The following LRRC51 variants were observed in gnomAD, a reference collection of about 807,000 sequenced individuals.
LRRC51 encodes leucine rich repeat containing 51, also known as leucine-rich repeat-containing protein 51.
A neutral mutation model predicts 17.8 loss-of-function variants in LRRC51; 8 were observed. The ratio of observed to expected loss-of-function variants is 0.45; its 90% confidence interval spans 0.26 to 0.81. LRRC51 has a LOEUF of 0.81. Ranked by LOEUF, LRRC51 falls within the 30% of genes least tolerant of loss-of-function variation. The probability of loss-of-function intolerance (pLI) is 0.17; values close to 1 mark genes in which losing one functional copy is unlikely to be tolerated. For missense variants in LRRC51, 233 were observed against 239.3 expected (o/e 0.97, Z 0.17); for synonymous variants, 92 against 96.0 (o/e 0.96, Z 0.24).
chr11:72,084,820 G>C (rs549051607), intron 1 of LRRC51, among the ~76,000 whole-genome samples: 1 of 130,660 alleles, frequency 7.7e-6, no homozygotes, highest in African/African-American at 2.9e-5. Context: ...CTGCACAACA[G>C]AGCGAGACCT....
At chr11:72,090,689 A>G (rs147529430) in intron 3 of LRRC51, among the ~76,000 whole-genome samples, 34 of 152,298 alleles carry the variant, frequency 2.2e-4, no homozygotes, top group African/African-American at 8.2e-4. Flanking sequence ...AATATTACAG[A>G]ATCTGAAACG....
rs1945148979 is a variant in LRRC51, at chr11:72,095,582, T to C, written c.*62T>C. Reference sequence around the variant, plus strand: ...ATAGACAGCATGGTTTGACAATAAATAATTTGAGCTGTTGAGCAGATGAGA... The same window carrying C: ...ATAGACAGCATGGTTTGACAATAAACAATTTGAGCTGTTGAGCAGATGAGA... On this transcript the variant is annotated 3_prime_UTR_variant, in exon 6 of 6. Coordinates refer to ENST00000289488, the MANE Select transcript of LRRC51 (RefSeq NM_145309.6). 3.2e-6 allele frequency: 5 copies of C among 1,580,402 alleles called. No individual in the cohort carries two copies. In the South Asian group the frequency reaches 5.8e-5, roughly 18 times the overall value.
At chr11:72,085,461 C>A (rs527678970) in intron 1 of LRRC51, 1 of 151,500 alleles carries the variant, frequency 6.6e-6, no homozygotes, top group African/African-American at 2.4e-5. Flanking sequence ...GAGTCTTGTC[C>A]CTGTCCTCAA....
At position 72,095,157 on chromosome 11, in the gene LRRC51, A is replaced by C. The variant is rs1401157641; in HGVS notation, c.437+61A>C. The stretch of plus-strand genomic sequence containing the variant: ...GGCTCCCCTAAAGGAAAGGAGGAGG[A>C]GAAACAAGAAATCTACGACCATTCT... On this transcript the variant is annotated intron_variant, in intron 5 of 5. Coordinates refer to ENST00000289488, the MANE Select transcript of LRRC51 (RefSeq NM_145309.6). The C allele has an allele frequency of 7.5e-6, 12 of 1,595,674 alleles. No homozygotes were observed. In the East Asian group the frequency reaches 2.7e-4, roughly 36 times the overall value.
intron 4 of LRRC51, 55 bp downstream of exon 4, chr11:72,093,756 GC>G: frequency 1.3e-6 from 2 of 1,501,564 alleles, no homozygotes; most frequent in Non-Finnish European, 9.3e-7. Flanking sequence ...ACTTTGTTCA[GC>G]CCCCAACCTC....
In LRRC51 at chr11:72,095,451, C is replaced by T; in HGVS notation, c.510C>T (p.Thr170=). The change falls in exon 6 of 6, where the codon ACC becomes ACT. Residue 170 remains threonine (T), a synonymous_variant. Transcript: ENST00000289488. ...DFSGVTKADR[T]TAEVWKRMNI... is the part of the protein sequence containing the mutation. ...GTGGGGTCACCAAAGCAGACCGCAC[C>T]ACAGCTGAAGTCTGGAAACGCATGA... 1 of 1,614,118 alleles carries T rather than the reference C, an allele frequency of 6.2e-7. No individual in the cohort carries two copies. The highest frequency in any genetic ancestry group is 8.5e-7 in the Non-Finnish European group (1 of 1,180,028).
chr11:72,084,705 C>T (rs763497315), intron 1 of LRRC51, among the ~76,000 whole-genome samples: 2 of 151,868 alleles, frequency 1.3e-5, no homozygotes, highest in African/African-American at 2.4e-5. Context: ...GGTGTGGTGA[C>T]GTGTGCCTGT....
chr11:72,090,754 C>T (rs1416059417), intron 3 of LRRC51, among the ~76,000 whole-genome samples: 1 of 152,204 alleles, frequency 6.6e-6, no homozygotes, highest in Non-Finnish European at 1.5e-5. Context: ...GTTCCTCTAA[C>T]TTTTCACAAA....
intron 5 of LRRC51, 27 bp downstream of exon 5, chr11:72,095,123 G>C (rs202177125): frequency 6.2e-7 from 1 of 1,610,524 alleles, no homozygotes; most frequent in East Asian, 2.2e-5. Flanking sequence ...TGGAGGTAGC[G>C]TCTAGCTGGG....
intron 1 of LRRC51, among the ~76,000 whole-genome samples, chr11:72,083,388 C>T (rs551252791): frequency 1.8e-4 from 28 of 152,284 alleles, no homozygotes; most frequent in African/African-American, 6.5e-4. Flanking sequence ...TTAATTTGTA[C>T]TTATCCTTTA....
chr11:72,088,924 C>A, intron 2 of LRRC51, 105 bp from the exon 3 acceptor site: 2 of 1,323,476 alleles, frequency 1.5e-6, no homozygotes, highest in Non-Finnish European at 2.1e-6. Flanking sequence ...GGAAATACAG[C>A]CAGGCAGGCC....
intron 3 of LRRC51, chr11:72,089,440 C>T: frequency 7.3e-7 from 1 of 1,371,572 alleles, no homozygotes. Flanking sequence ...AAACAGGGGG[C>T]TATCACAGTA....
At chr11:72,083,332 A>G (rs1944349951) in intron 1 of LRRC51, among the ~76,000 whole-genome samples, 1 of 152,132 alleles carries the variant, frequency 6.6e-6, no homozygotes, top group African/African-American at 2.4e-5. Context: ...TATAGCAGTC[A>G]CATCTGCCTG....
Position 72,095,892 on chromosome 11 carries a change from G to A in LRRC51, c.*372G>A. 2.9e-6 allele frequency: 1 copy of A among 347,292 alleles called. No individual in the cohort carries two copies. Among genetic ancestry groups the A allele is most frequent in the Non-Finnish European group, 5.6e-6 (1 of 177,790 alleles). 21.5% of individuals were successfully genotyped at this position (347,292 alleles called of 1,614,324 possible). A position where few individuals can be genotyped will look rare whatever the true frequency, so the allele number is the denominator to read the frequency against. Reference sequence around the variant, plus strand: ...ACGGTTTCACTCGTCACCCCAGCTGGAGTGCAGTGGTGCGATCTCAGCTCA... The same window carrying A: ...ACGGTTTCACTCGTCACCCCAGCTGAAGTGCAGTGGTGCGATCTCAGCTCA... On this transcript the variant is annotated 3_prime_UTR_variant, in exon 6 of 6. Transcript: ENST00000289488.
intron 4 of LRRC51, chr11:72,094,454 T>C (rs972253037): frequency 5.6e-6 from 3 of 538,974 alleles, no homozygotes; most frequent in African/African-American, 2.2e-5. Context: ...TGAACTCAGA[T>C]TCAAGTTTTA....
chr11:72,094,643 T>C, intron 4 of LRRC51: 1 of 694,670 alleles, frequency 1.4e-6, no homozygotes, highest in Admixed American at 2.0e-5. Context: ...GAATCGTAGA[T>C]CACCAAAGCT....
chr11:72,085,883 T>A (rs493065), intron 1 of LRRC51: 7 of 152,258 alleles, frequency 4.6e-5, no homozygotes, highest in African/African-American at 1.7e-4. Flanking sequence ...CTGGCTCTTT[T>A]GCATGTCTCT....
intron 4 of LRRC51, among the ~76,000 whole-genome samples, chr11:72,094,032 C>T (rs1407302854): frequency 6.6e-6 from 1 of 152,150 alleles, no homozygotes; most frequent in Non-Finnish European, 1.5e-5. Flanking sequence ...CGCCTGTAAT[C>T]CCAGCACTTT....
chr11:72,089,487 A>C, intron 3 of LRRC51: 4 of 1,287,096 alleles, frequency 3.1e-6, no homozygotes, highest in Non-Finnish European at 3.0e-6. Context: ...CTACAGCAGG[A>C]AAGTCAAGTG....
Sources: allele counts gnomAD v4.1 joint callset (sites outside exome capture counted in the v4.1 genomes callset), GRCh38; gene constraint gnomAD v4.1.1; transcripts MANE v1.5; gene names NCBI Gene and HGNC (gene_info 2026-07-23, HGNC 2026-07-21).